The following CACNA2D3 variants were observed in gnomAD, a reference collection of about 807,000 sequenced individuals.
The protein encoded by CACNA2D3 is voltage-dependent calcium channel subunit alpha-2/delta-3.
Under a neutral mutation model 160.6 loss-of-function variants are expected in CACNA2D3, and 60 were observed. The ratio of observed to expected loss-of-function variants is 0.37; its 90% CI spans 0.30 to 0.46. The LOEUF is 0.46. Among genes scored for constraint, CACNA2D3 ranks in the 20% least tolerant of loss-of-function variants. The probability of loss-of-function intolerance (pLI) is 1.00; values close to 1 mark genes in which losing one functional copy is unlikely to be tolerated. For synonymous variants in CACNA2D3, 558 were observed against 492.9 expected, an observed-to-expected ratio of 1.13 and a Z score of -1.75; for missense variants, 1,205 against 1,365.0, an observed-to-expected ratio of 0.88 and a Z score of 1.85.
chr3:54,418,411 G>C lies in CACNA2D3; in HGVS notation c.381+31637G>C, dbSNP rs1575444571. 2.0e-5 allele frequency among the ~76,000 whole-genome samples: 3 copies of C among 152,298 alleles called. No individual in the cohort carries two copies. In the South Asian group the frequency reaches 6.2e-4, roughly 32 times the overall value. ...GGTCACTCTGATTAAGAGGAGGAAG[G>C]CTGGGCCAGAGGAAAAGGAGGAATT... On this transcript the variant is annotated intron_variant, in intron 4 of 37. Coordinates refer to ENST00000474759, the MANE Select transcript of CACNA2D3 (RefSeq NM_018398.3).
At chr3:54,358,854 T>G (rs1698695526) in intron 3 of CACNA2D3, among the ~76,000 whole-genome samples, 1 of 152,246 alleles carries the variant, frequency 6.6e-6, no homozygotes. Flanking sequence ...GGATAATTAA[T>G]TTTAATGGTT....
chr3:54,698,957 A>T (rs942819288), intron 11 of CACNA2D3, among the ~76,000 whole-genome samples: 1 of 152,202 alleles, frequency 6.6e-6, no homozygotes, highest in Non-Finnish European at 1.5e-5. Context: ...CGGCCCTGCA[A>T]GGACTTCAGA....
intron 2 of CACNA2D3, among the ~76,000 whole-genome samples, chr3:54,300,354 GGC>G (rs1360729454): frequency 5.9e-5 from 9 of 152,232 alleles, no homozygotes; most frequent in Non-Finnish European, 8.8e-5. Context: ...TCTGCCACGT[GGC>G]ATATTCTCCC....
intron 2 of CACNA2D3, among the ~76,000 whole-genome samples, chr3:54,245,524 G>A (rs1051033951): frequency 1.3e-5 from 2 of 152,218 alleles, no homozygotes; most frequent in Non-Finnish European, 2.9e-5. Context: ...AGAGCCTGGT[G>A]TTCTGGACTG....
chr3:54,596,699 A>G (rs1702961381), intron 9 of CACNA2D3, among the ~76,000 whole-genome samples: 1 of 152,040 alleles, frequency 6.6e-6, no homozygotes, highest in Non-Finnish European at 1.5e-5. Flanking sequence ...ATCCAGCCAA[A>G]TCAAAATTCT....
chr3:54,678,651 G>T (rs1015851489), intron 11 of CACNA2D3, among the ~76,000 whole-genome samples: 1 of 140,606 alleles, frequency 7.1e-6, no homozygotes, highest in South Asian at 2.4e-4. Context: ...AAGCCGGGAG[G>T]TGGAGGTTGT....
At chr3:54,473,256 A>T (rs1438093206) in intron 4 of CACNA2D3, among the ~76,000 whole-genome samples, 1 of 152,212 alleles carries the variant, frequency 6.6e-6, no homozygotes, top group Non-Finnish European at 1.5e-5. Context: ...GATCTTTGAC[A>T]AACCTGACAA....
intron 11 of CACNA2D3, among the ~76,000 whole-genome samples, chr3:54,709,477 C>T (rs1700916797): frequency 2.0e-5 from 3 of 152,212 alleles, no homozygotes; most frequent in Admixed American, 2.0e-4. Flanking sequence ...TCCTCCCACT[C>T]AGCCTCCCGA....
At chr3:54,679,662 A>G (rs868608833) in intron 11 of CACNA2D3, among the ~76,000 whole-genome samples, 1 of 152,258 alleles carries the variant, frequency 6.6e-6, no homozygotes, top group Non-Finnish European at 1.5e-5. Flanking sequence ...AGTTGCTGAC[A>G]TAGGAAATAG....
chr3:54,634,414 C>T (rs1461162831), intron 10 of CACNA2D3: 1 of 152,204 alleles, frequency 6.6e-6, no homozygotes, highest in African/African-American at 2.4e-5. Context: ...CTTTCCCCAC[C>T]CTTAACATCA....
intron 13 of CACNA2D3, among the ~76,000 whole-genome samples, chr3:54,804,243 T>G (rs1703061999): frequency 1.3e-5 from 2 of 151,838 alleles, no homozygotes; most frequent in Admixed American, 1.3e-4. Context: ...ATGCTCCAAT[T>G]AAAAGACACA....
chr3:54,232,676 T>C (rs1701796831), intron 2 of CACNA2D3, among the ~76,000 whole-genome samples: 1 of 152,198 alleles, frequency 6.6e-6, no homozygotes, highest in South Asian at 2.1e-4. Context: ...TGTGTGGCTC[T>C]TTGTAAGTCT....
intron 33 of CACNA2D3, 24 bp from the exon 34 acceptor site, chr3:55,009,364 T>C: frequency 1.9e-6 from 3 of 1,611,088 alleles, no homozygotes; most frequent in Non-Finnish European, 2.5e-6. Context: ...GAAGTAACAT[T>C]GGGCTTTTCC....
intron 11 of CACNA2D3, among the ~76,000 whole-genome samples, chr3:54,664,722 C>T (rs927420255): frequency 6.6e-6 from 1 of 152,188 alleles, no homozygotes; most frequent in Non-Finnish European, 1.5e-5. Flanking sequence ...GGTGGTGAGA[C>T]CTCCTGTAGA....
intron 9 of CACNA2D3, among the ~76,000 whole-genome samples, chr3:54,624,351 G>A (rs1194877456): frequency 2.0e-5 from 3 of 152,162 alleles, no homozygotes; most frequent in East Asian, 1.9e-4. Flanking sequence ...GGCTGGGCCC[G>A]GTGGCTCATG....
intron 11 of CACNA2D3, among the ~76,000 whole-genome samples, chr3:54,748,135 C>G (rs1040627219): frequency 6.6e-6 from 1 of 152,160 alleles, no homozygotes. Flanking sequence ...GAAACACAAG[C>G]TTTCTTCATT....
chr3:54,816,797 A>T, intron 13 of CACNA2D3, 56 bp from the exon 14 acceptor site: 1 of 1,588,116 alleles, frequency 6.3e-7, no homozygotes, highest in Non-Finnish European at 8.6e-7. Context: ...ACCATTAATT[A>T]CTTATATAAT....
At position 54,885,586 on chromosome 3, in the gene CACNA2D3, T is replaced by G; in HGVS notation, c.2056T>G (p.Cys686Gly). The change falls in exon 23 of 38, where the codon TGT becomes GGT. Residue 686 changes from cysteine to glycine, a missense_variant and splice_region_variant. Physicochemically the swap from Cys to Gly is radical, Grantham distance 159 (BLOSUM62 -3). Around this residue, in one of 3 missense-constraint regions of CACNA2D3, gnomAD observed 911 missense variants for 1,002.2 expected, o/e 0.91. Coordinates refer to ENST00000474759, the MANE Select transcript of CACNA2D3 (RefSeq NM_018398.3). ...AAAAGGCAAAGAACCTCTGCTCCAGTGTGAGTATGCTTTCAAAAGTGTGCT... is the reference window on the plus strand; with the variant it reads ...AAAAGGCAAAGAACCTCTGCTCCAGGGTGAGTATGCTTTCAAAAGTGTGCT... ...YLKGKEPLLQ[C>G]DKELIQEVLF... 6.2e-7 allele frequency: 1 copy of G among 1,609,144 alleles called. No homozygotes were observed. Among genetic ancestry groups the G allele is most frequent in the Non-Finnish European group, 8.5e-7 (1 of 1,176,502 alleles).
chr3:54,123,390 C>T, intron 1 of CACNA2D3, 123 bp from the exon 2 acceptor site: 2 of 706,474 alleles, frequency 2.8e-6, no homozygotes, highest in Non-Finnish European at 5.0e-6. Context: ...ATCTTTTCTT[C>T]TTTTAAAACA....
Sources: allele counts gnomAD v4.1 joint callset (sites outside exome capture counted in the v4.1 genomes callset), GRCh38; gene constraint gnomAD v4.1.1; regional missense constraint gnomAD v4.1.1; transcripts MANE v1.5; gene names NCBI Gene and HGNC (gene_info 2026-07-23, HGNC 2026-07-21).